Variants in GPC6 observed in about 807,000 individuals in gnomAD.
GPC6 encodes the protein glypican 6, also known as glypican-6.
In GPC6, 14 loss-of-function variants were observed where a neutral mutation model predicts 55.2. The ratio of observed to expected loss-of-function variants is 0.25; its 90% CI spans 0.17 to 0.40. GPC6 has a LOEUF of 0.40. Among genes scored for constraint, GPC6 ranks in the 10% least tolerant of loss-of-function variants. GPC6 has a pLI of 1.00. For synonymous variants in GPC6, 278 were observed against 259.6 expected (o/e 1.07, Z -0.68); for missense variants, 641 against 708.5 (o/e 0.90, Z 1.08).
rs767379547 is a variant in GPC6, at chr13:93,830,345, C to A, written c.511C>A (p.Arg171=). Residue 171 remains arginine (R), a synonymous_variant, in exon 3 of 9, where the codon CGG becomes AGG. Transcript: ENST00000377047. The part of the protein sequence containing the change: ...LNDFWARLLE[R]MFQLINPQYH... Reference sequence around the variant, plus strand: ...TGACTTTTGGGCTCGGCTCCTGGAACGGATGTTTCAGCTGATAAACCCTCA... The same window carrying A: ...TGACTTTTGGGCTCGGCTCCTGGAAAGGATGTTTCAGCTGATAAACCCTCA... 3.1e-6 allele frequency: 5 copies of A among 1,613,856 alleles called. No homozygotes were observed. The highest frequency in any genetic ancestry group is 2.5e-6 in the Non-Finnish European group (3 of 1,179,904).
At chr13:94,086,659 T>C (rs947918178) in intron 4 of GPC6, among the ~76,000 whole-genome samples, 2 of 152,098 alleles carry the variant, frequency 1.3e-5, no homozygotes, top group African/African-American at 4.8e-5. Flanking sequence ...TTTCCTCAAG[T>C]TGAATATGGC....
intron 6 of GPC6, among the ~76,000 whole-genome samples, chr13:94,374,413 T>A (rs937912519): frequency 6.7e-6 from 1 of 149,006 alleles, no homozygotes; most frequent in African/African-American, 2.5e-5. Flanking sequence ...GGGGTTGCAA[T>A]CCTAGTCTCT....
At chr13:93,300,007 C>A (rs1878621184) in intron 1 of GPC6, among the ~76,000 whole-genome samples, 1 of 152,194 alleles carries the variant, frequency 6.6e-6, no homozygotes, top group African/African-American at 2.4e-5. Context: ...CAAGCTGCAG[C>A]ATAGCAGCAC....
At chr13:93,661,725 A>G (rs987303230) in intron 2 of GPC6, among the ~76,000 whole-genome samples, 2 of 152,166 alleles carry the variant, frequency 1.3e-5, no homozygotes, top group African/African-American at 4.8e-5. Context: ...GTAGTAATCA[A>G]ATTTTGTGAG....
rs968804519 is a variant in GPC6 at position 94,312,724 on chromosome 13, A to G, written c.1152+6601A>G. 2.7e-5 allele frequency among the ~76,000 whole-genome samples: 4 copies of G among 147,606 alleles called. No individual in the cohort carries two copies. In the South Asian group the frequency reaches 8.3e-4, roughly 31 times the overall value. ...GACACACACGCACACGCGCACGCACACACACACACACACACACATGCACTC... is the reference window on the plus strand; with the variant it reads ...GACACACACGCACACGCGCACGCACGCACACACACACACACACATGCACTC... On this transcript the variant is annotated intron_variant, in intron 6 of 8. Coordinates refer to ENST00000377047, the MANE Select transcript of GPC6 (RefSeq NM_005708.5).
chr13:93,727,677 C>T (rs1883690368), intron 2 of GPC6, among the ~76,000 whole-genome samples: 1 of 152,184 alleles, frequency 6.6e-6, no homozygotes, highest in Non-Finnish European at 1.5e-5. Context: ...AAGTGCATAG[C>T]TGCATTCCAA....
At chr13:94,400,432 C>T (rs949240332) in intron 8 of GPC6, among the ~76,000 whole-genome samples, 8 of 152,130 alleles carry the variant, frequency 5.3e-5, no homozygotes, top group Non-Finnish European at 1.2e-4. Flanking sequence ...TTGTTCATGA[C>T]ACCAGTGTTC....
At chr13:94,226,770 T>C (rs1890571947) in intron 4 of GPC6, among the ~76,000 whole-genome samples, 1 of 152,042 alleles carries the variant, frequency 6.6e-6, no homozygotes, top group African/African-American at 2.4e-5. Context: ...AATAAATAAA[T>C]CAGCAAGGAT....
intron 4 of GPC6, among the ~76,000 whole-genome samples, chr13:94,265,729 A>T (rs1310145398): frequency 6.6e-6 from 1 of 152,214 alleles, no homozygotes; most frequent in Non-Finnish European, 1.5e-5. Flanking sequence ...GAAGTGATTA[A>T]GCAAAATAGT....
chr13:93,846,108 G>A (rs965208180), intron 3 of GPC6, among the ~76,000 whole-genome samples: 4 of 152,052 alleles, frequency 2.6e-5, no homozygotes, highest in Non-Finnish European at 5.9e-5. Flanking sequence ...AAACATCCTC[G>A]TAATATATAC....
chr13:94,037,466 T>C (rs1229668630), intron 4 of GPC6, among the ~76,000 whole-genome samples: 1 of 151,994 alleles, frequency 6.6e-6, no homozygotes, highest in Non-Finnish European at 1.5e-5. Context: ...ATTTCTATGG[T>C]TCTAGATCTC....
intron 4 of GPC6, among the ~76,000 whole-genome samples, chr13:94,170,128 T>C (rs1888508662): frequency 6.6e-6 from 1 of 152,122 alleles, no homozygotes; most frequent in Non-Finnish European, 1.5e-5. Context: ...CAAGAAATAA[T>C]GAGTGCTCTG....
rs780089381 is a variant in GPC6 at position 93,552,476 on chromosome 13, CTCTG to C, written c.319+7059_319+7062del. ...CCTCCTCCTCCTCCTTTCTCTGTCT[CTCTG>C]TCTCTCTCTCTCTCTCTCTCTCTTT... On this transcript the variant is annotated intron_variant, in intron 2 of 8. Transcript: ENST00000377047. 1.5e-3 allele frequency among the ~76,000 whole-genome samples: 230 copies of C among 151,536 alleles called. 1 individual carries two copies. Among genetic ancestry groups the C allele is most frequent in the African/African-American group, 5.5e-3 (224 of 41,076 alleles).
chr13:93,917,942 G>A (rs989103151), intron 3 of GPC6, among the ~76,000 whole-genome samples: 1 of 151,902 alleles, frequency 6.6e-6, no homozygotes, highest in African/African-American at 2.4e-5. Context: ...ACTAAAAATA[G>A]AAAAATTAGC....
chr13:94,257,466 G>A (rs1358560432), intron 4 of GPC6, among the ~76,000 whole-genome samples: 5 of 152,078 alleles, frequency 3.3e-5, no homozygotes, highest in Admixed American at 6.6e-5. Context: ...AAGGCACTGC[G>A]GTCAAGAACT....
At chr13:94,129,264 C>A (rs2138863556) in intron 4 of GPC6, among the ~76,000 whole-genome samples, 1 of 152,220 alleles carries the variant, frequency 6.6e-6, no homozygotes, top group African/African-American at 2.4e-5. Context: ...ATAAGCTGTG[C>A]TGGACAACTA....
rs1195473543 is a variant in GPC6 at position 93,227,793 on chromosome 13, G to A, written c.160+177G>A. Among the ~76,000 whole-genome samples the A allele has an allele frequency of 6.6e-6, 1 of 152,172 alleles. No individual in the cohort carries two copies. Among genetic ancestry groups the A allele is most frequent in the Non-Finnish European group, 1.5e-5 (1 of 68,038 alleles). ...GGATGCTCCTGCGGCTTCTTCGGCG[G>A]GGGAAGGTGTGCGTCTCCGCCGCCT... On this transcript the variant is annotated intron_variant, in intron 1 of 8. Coordinates refer to ENST00000377047, the MANE Select transcript of GPC6 (RefSeq NM_005708.5). This position sits in a 1 kb window ranked among gnomAD's most constrained non-coding sequence, Gnocchi z 4.3.
intron 2 of GPC6, among the ~76,000 whole-genome samples, chr13:93,753,636 A>G (rs1441046644): frequency 2.0e-5 from 3 of 152,118 alleles, no homozygotes; most frequent in African/African-American, 7.2e-5. Flanking sequence ...TGAGTTATTG[A>G]CTATAATCAC....
rs185981050 is a variant in GPC6 at position 93,564,754 on chromosome 13, T to C, written c.319+19333T>C. Among the ~76,000 whole-genome samples the C allele has an allele frequency of 1.7e-4, 26 of 152,328 alleles. 1 individual carries two copies. Among genetic ancestry groups the C allele is most frequent in the Admixed American group, 1.4e-3 (22 of 15,298 alleles). On this transcript the variant is annotated intron_variant, in intron 2 of 8. Transcript: ENST00000377047. The stretch of plus-strand genomic sequence containing the variant: ...TTTCTTGTTAAGTATATTTTGTACA[T>C]GAATTACTTCCAGGAAAAGGTCAGT...
Sources: allele counts gnomAD v4.1 joint callset (sites outside exome capture counted in the v4.1 genomes callset), GRCh38; gene constraint gnomAD v4.1.1; non-coding constraint Gnocchi (gnomAD v3.1); transcripts MANE v1.5; gene names NCBI Gene and HGNC (gene_info 2026-07-23, HGNC 2026-07-21).